The following ZNF90 variants were observed in gnomAD, a reference collection of about 807,000 sequenced individuals.
ZNF90 encodes the protein zinc finger protein HTF9.
ZNF90 carries 11 observed loss-of-function variants against 12.0 expected under a neutral mutation model. The observed-to-expected ratio is 0.92, with a 90% CI of 0.58 to 1.52. The LOEUF is 1.52. Ranked by LOEUF, ZNF90 falls within the 40% of genes most tolerant of loss-of-function variation. The pLI, the probability that ZNF90 is intolerant of heterozygous loss-of-function variation, is 0.00. For missense variants in ZNF90, 765 were observed against 711.5 expected (o/e 1.08, Z -0.86); for synonymous variants, 232 against 240.1 (o/e 0.97, Z 0.31).
At chr19:20,113,306 T>C (rs1476281693) in intron 3 of ZNF90, among the ~76,000 whole-genome samples, 2 of 152,002 alleles carry the variant, frequency 1.3e-5, no homozygotes, top group Non-Finnish European at 2.9e-5. Flanking sequence ...TTCTCCTGCC[T>C]CAGCCTTCCA....
chr19:20,117,558 T>C, intron 3 of ZNF90: 1 of 982,436 alleles, frequency 1.0e-6, no homozygotes, highest in Non-Finnish European at 1.2e-6. Flanking sequence ...TGCCTCAGCT[T>C]CCCAAGTAGC....
intron 3 of ZNF90, 69 bp downstream of exon 3, chr19:20,105,385 G>A (rs886268123): frequency 8.0e-5 from 102 of 1,276,448 alleles, no homozygotes; most frequent in Non-Finnish European, 1.0e-4. Context: ...AGAGAAAGCC[G>A]GTCCTTAAAA....
intron 1 of ZNF90, among the ~76,000 whole-genome samples, chr19:20,100,302 A>T (rs1466127014): frequency 3.3e-5 from 5 of 152,186 alleles, no homozygotes; most frequent in Admixed American, 2.6e-4. Context: ...CCAAATCATT[A>T]TTTACTGGAC....
chr19:20,078,043 C>G lies in ZNF90; in HGVS notation c.-90C>G, dbSNP rs371269603. The G allele has an allele frequency of 1.3e-6, 2 of 1,571,280 alleles. No homozygotes were observed. The highest frequency in any genetic ancestry group is 1.8e-6 in the Non-Finnish European group (2 of 1,141,160). ...GCTGGTGCTCCAAATCTGGTCTTAG[C>G]TGCTTCGTGTCTTCTTCTCCAGCCT... On this transcript the variant is annotated 5_prime_UTR_variant, in exon 1 of 4. Coordinates refer to ENST00000418063, the MANE Select transcript of ZNF90 (RefSeq NM_007138.2).
At chr19:20,080,808 C>T (rs946111672) in intron 1 of ZNF90, among the ~76,000 whole-genome samples, 2 of 152,322 alleles carry the variant, frequency 1.3e-5, no homozygotes, top group East Asian at 3.9e-4. Context: ...TCTGTGCTGA[C>T]TCTGGGTGGT....
chr19:20,110,509 G>A (rs1228783709), intron 3 of ZNF90, among the ~76,000 whole-genome samples: 2 of 152,004 alleles, frequency 1.3e-5, no homozygotes, highest in East Asian at 3.9e-4. Context: ...CAGGTGATCT[G>A]CCCCCTCAGC....
At chr19:20,090,686 G>A (rs2088895405) in intron 1 of ZNF90, among the ~76,000 whole-genome samples, 1 of 152,182 alleles carries the variant, frequency 6.6e-6, no homozygotes, top group Non-Finnish European at 1.5e-5. Context: ...TTCCTGTCTA[G>A]CCTGCTGGAG....
chr19:20,104,429 G>T, intron 2 of ZNF90, 64 bp downstream of exon 2: 1 of 1,515,454 alleles, frequency 6.6e-7, no homozygotes, highest in Non-Finnish European at 8.8e-7. Flanking sequence ...GTTTTTTTGT[G>T]GAATGATTTT....
At position 20,083,906 on chromosome 19, in the gene ZNF90, C is replaced by A. The variant is rs543890787; in HGVS notation, c.3+5771C>A. Among the ~76,000 whole-genome samples, 33 of 152,194 alleles carry A rather than the reference C, an allele frequency of 2.2e-4. 1 individual carries two copies. The highest frequency in any genetic ancestry group is 7.9e-4 in the African/African-American group (33 of 41,534). On this transcript the variant is annotated intron_variant, in intron 1 of 3. Coordinates refer to ENST00000418063, the MANE Select transcript of ZNF90 (RefSeq NM_007138.2). ...CTGGGACTACACATTTGCGTTACCA[C>A]CCCTGGCCAATTTTTCTTTTTGTAT...
At position 20,119,907 on chromosome 19, in the gene ZNF90, C is replaced by T. The variant is rs1196581938; in HGVS notation, c.*547C>T. Among the ~76,000 whole-genome samples, 1 of 152,172 alleles carries T rather than the reference C, an allele frequency of 6.6e-6. No individual in the cohort carries two copies. Among genetic ancestry groups the T allele is most frequent in the Non-Finnish European group, 1.5e-5 (1 of 68,036 alleles). ...CCACAAGTTCTCAGTTCTTAAGAGA[C>T]ATGGTGATAATTCATGCTGAAGAGG... On this transcript the variant is annotated 3_prime_UTR_variant, in exon 4 of 4. Coordinates refer to ENST00000418063, the MANE Select transcript of ZNF90 (RefSeq NM_007138.2).
intron 1 of ZNF90, among the ~76,000 whole-genome samples, chr19:20,096,114 G>A (rs1019485828): frequency 9.9e-5 from 15 of 152,140 alleles, no homozygotes; most frequent in South Asian, 6.2e-4. Context: ...GAAGTGTGGC[G>A]CCAAGATTGG....
chr19:20,097,884 A>G (rs1206212019), intron 1 of ZNF90, among the ~76,000 whole-genome samples: 2 of 152,242 alleles, frequency 1.3e-5, no homozygotes, highest in African/African-American at 2.4e-5. Context: ...AACAATATAT[A>G]TCTAATCAAT....
intron 1 of ZNF90, among the ~76,000 whole-genome samples, chr19:20,086,757 T>C (rs1198428283): frequency 6.6e-6 from 1 of 152,228 alleles, no homozygotes; most frequent in Non-Finnish European, 1.5e-5. Flanking sequence ...AAGTCTAATA[T>C]CCAAATAAAA....
chr19:20,115,417 GT>G (rs34059055), intron 3 of ZNF90, among the ~76,000 whole-genome samples: 133 of 133,964 alleles, frequency 9.9e-4, no homozygotes, highest in Admixed American at 3.2e-3. Flanking sequence ...TTTCCTTTCT[GT>G]TTTTTTTTTT....
Position 20,119,726 on chromosome 19 carries a change from T to A in ZNF90, c.*366T>A, listed in dbSNP as rs543626113. On this transcript the variant is annotated 3_prime_UTR_variant, in exon 4 of 4. Transcript: ENST00000418063. ...ACCTCTTCCTCCTGGTTCAAGCCAT[T>A]AACCTGCTTCAGCCTCCACCACCAT... 24 of 178,712 alleles carry A rather than the reference T, an allele frequency of 1.3e-4. No individual in the cohort carries two copies. Among genetic ancestry groups the A allele is most frequent in the Non-Finnish European group, 2.0e-4 (17 of 84,498 alleles). 11.1% of individuals were successfully genotyped at this position (178,712 alleles called of 1,614,324 possible).
chr19:20,095,668 G>T (rs1599644780), intron 1 of ZNF90, among the ~76,000 whole-genome samples: 1 of 151,936 alleles, frequency 6.6e-6, no homozygotes, highest in Admixed American at 6.6e-5. Flanking sequence ...CAGAAATAAG[G>T]GATTGGGGCA....
Position 20,119,094 on chromosome 19 carries a change from T to G in ZNF90, c.1540T>G (p.Cys514Gly). Residue 514 changes from cysteine to glycine, a missense_variant, in exon 4 of 4, where the codon TGT (cysteine) becomes GGT (glycine). Transcript: ENST00000418063. The stretch of plus-strand genomic sequence containing the variant: ...AGAGAATCCCTACAAATGTGAAGAA[T>G]GTGGCAAAGCCTTCAAGCGCTCCTC... ...SGENPYKCEE[C>G]GKAFKRSSVL... 6.2e-7 allele frequency: 1 copy of G among 1,612,824 alleles called. No homozygotes were observed. Among genetic ancestry groups the G allele is most frequent in the South Asian group, 1.1e-5 (1 of 90,906 alleles).
At chr19:20,093,905 T>C (rs993336693) in intron 1 of ZNF90, among the ~76,000 whole-genome samples, 1 of 152,162 alleles carries the variant, frequency 6.6e-6, no homozygotes, top group East Asian at 1.9e-4. Context: ...GCCAAGCAGA[T>C]CTGGGAAGGA....
intron 3 of ZNF90, chr19:20,106,988 T>C (rs1555704558): frequency 2.2e-6 from 1 of 454,536 alleles, no homozygotes; most frequent in South Asian, 1.6e-5. Context: ...GGGCAGACAC[T>C]AGGGCATGTT....
Sources: gnomAD v4.1 joint callset for allele counts (sites outside exome capture counted in the v4.1 genomes callset) on GRCh38, gnomAD v4.1.1 for gene constraint, MANE v1.5 for transcripts, NCBI Gene and HGNC (gene_info 2026-07-23, HGNC 2026-07-21) for gene names.